NKD1: variants seen among roughly 807,000 people sequenced by gnomAD.
NKD1 encodes NKD inhibitor of Wnt signaling pathway 1.
In NKD1, 21 loss-of-function variants were observed where a neutral mutation model predicts 56.0. That is an observed-to-expected ratio of 0.38 (90% CI 0.27 to 0.54). The LOEUF is 0.54. Ranked by LOEUF, NKD1 falls within the 20% of genes least tolerant of loss-of-function variation. The probability of loss-of-function intolerance (pLI) is 0.82; values close to 1 mark genes in which losing one functional copy is unlikely to be tolerated. For synonymous variants in NKD1, 263 were observed against 265.7 expected (o/e 0.99, Z 0.10); for missense variants, 578 against 642.7 (o/e 0.90, Z 1.09).
chr16:50,559,641 T>G (rs1596705000), intron 3 of NKD1, among the ~76,000 whole-genome samples: 1 of 152,138 alleles, frequency 6.6e-6, no homozygotes, highest in East Asian at 1.9e-4. Context: ...CATGAGGCCT[T>G]GTCTCCTTGC....
chr16:50,578,538 C>CT (rs1347073293), intron 3 of NKD1, among the ~76,000 whole-genome samples: 1 of 152,174 alleles, frequency 6.6e-6, no homozygotes, highest in East Asian at 1.9e-4. Flanking sequence ...GATTCTGCCT[C>CT]TTTTACTGTG....
Position 50,643,879 on chromosome 16 carries a change from T to A in NKD1, c.*10098T>A, listed in dbSNP as rs1962627316. The stretch of plus-strand genomic sequence containing the variant: ...ACACATATTTTCTCTGCAAGGCATA[T>A]CAGAGCCTTCTGTGCTTAAGAGCAC... On this transcript the variant is annotated 3_prime_UTR_variant, in exon 10 of 10. Transcript: ENST00000268459. The A allele has an allele frequency of 6.6e-6, 1 of 152,274 alleles. No individual in the cohort carries two copies. The highest frequency in any genetic ancestry group is 1.5e-5 in the Non-Finnish European group (1 of 68,050). The allele number at this position is 152,274 out of a possible 1,614,324, so 9.4% of individuals were successfully genotyped here.
chr16:50,608,313 TGA>T lies in NKD1; in HGVS notation c.217_218del (p.Asp73HisfsTer19). ...TTGTAGGAGCTCGTGGGCGACGTGT[TGA>T]GAGACACGCTCAGCGAGGAAGAGGA... On this transcript the variant is annotated frameshift_variant, in exon 4 of 10. Coordinates refer to ENST00000268459, the MANE Select transcript of NKD1 (RefSeq NM_033119.5). LOFTEE classifies it high-confidence loss of function. 6.2e-7 allele frequency: 1 copy of T among 1,613,198 alleles called. No homozygotes were observed. The highest frequency in any genetic ancestry group is 8.5e-7 in the Non-Finnish European group (1 of 1,179,416).
intron 3 of NKD1, chr16:50,574,931 C>T (rs555690165): frequency 2.0e-6 from 2 of 984,950 alleles, no homozygotes; most frequent in East Asian, 1.1e-4. Context: ...AAACTTTTTC[C>T]TTTTCCCTTT....
chr16:50,584,006 T>C (rs1961174385), intron 3 of NKD1, among the ~76,000 whole-genome samples: 1 of 152,248 alleles, frequency 6.6e-6, no homozygotes, highest in Non-Finnish European at 1.5e-5. Context: ...GGCAGTGCAG[T>C]TGGCATATCA....
intron 3 of NKD1, among the ~76,000 whole-genome samples, chr16:50,570,319 G>T (rs957591328): frequency 1.3e-5 from 2 of 152,094 alleles, no homozygotes; most frequent in African/African-American, 4.8e-5. Flanking sequence ...TGGTTCTTGG[G>T]GGGCAAAGGA....
chr16:50,564,986 G>A (rs553300401), intron 3 of NKD1, among the ~76,000 whole-genome samples: 2 of 152,252 alleles, frequency 1.3e-5, no homozygotes, highest in African/African-American at 4.8e-5. Context: ...GCTTATCCCT[G>A]CACAGACAGC....
rs1415981194 is a variant in NKD1, at chr16:50,648,833, CTGGAAAGCAGATG to C, written c.*15055_*15067del. 6.6e-6 allele frequency: 1 copy of C among 152,214 alleles called. No individual in the cohort carries two copies. Among genetic ancestry groups the C allele is most frequent in the Non-Finnish European group, 1.5e-5 (1 of 68,062 alleles). 9.4% of individuals were successfully genotyped at this position (152,214 alleles called of 1,614,324 possible). A position where few individuals can be genotyped will look rare whatever the true frequency, so the allele number is the denominator to read the frequency against. On this transcript the variant is annotated 3_prime_UTR_variant, in exon 10 of 10. Coordinates refer to ENST00000268459, the MANE Select transcript of NKD1 (RefSeq NM_033119.5). ...TGTGCCCCTTCTTCCATTTTGCTGC[CTGGAAAGCAGATG>C]TGATGGCTGGAATTCCAGTCACCAT...
intron 3 of NKD1, among the ~76,000 whole-genome samples, chr16:50,568,247 G>A (rs926668076): frequency 2.0e-4 from 31 of 152,190 alleles, no homozygotes; most frequent in African/African-American, 6.8e-4. Flanking sequence ...GCAAGCACAC[G>A]GAAGCCTAAG....
Position 50,598,258 on chromosome 16 carries a change from T to TGCGCGCGC in NKD1, c.193-10035_193-10034insCGCGCGCG, listed in dbSNP as rs1342754863. 4.6e-3 allele frequency among the ~76,000 whole-genome samples: 643 copies of TGCGCGCGC among 139,738 alleles called. 6 individuals are homozygous for TGCGCGCGC. The highest frequency in any genetic ancestry group is 0.018 in the African/African-American group (614 of 33,926). 91.7% of individuals were successfully genotyped at this position (139,738 alleles called of 152,430 possible). The stretch of plus-strand genomic sequence containing the variant: ...GTGTGTGTGTGTGTGTGTGTGTGTG[T>TGCGCGCGC]GTGTGCGCGCACACCTGTGCTCATG... On this transcript the variant is annotated intron_variant, in intron 3 of 9. Transcript: ENST00000268459. This position sits in a 1 kb window ranked among gnomAD's most constrained non-coding sequence, Gnocchi z 4.2.
chr16:50,621,758 C>A, intron 5 of NKD1, 50 bp downstream of exon 5: 1 of 1,394,782 alleles, frequency 7.2e-7, no homozygotes, highest in South Asian at 1.2e-5. Flanking sequence ...TGGGTTTTCT[C>A]AGCTTGGGGC....
chr16:50,589,150 A>G (rs1175923528), intron 3 of NKD1, among the ~76,000 whole-genome samples: 1 of 151,588 alleles, frequency 6.6e-6, no homozygotes, highest in African/African-American at 2.4e-5. Flanking sequence ...TTGCGCGGTG[A>G]CTCTTGGTGA....
chr16:50,627,411 G>A lies in NKD1; in HGVS notation c.462+1831G>A, dbSNP rs543729933. On this transcript the variant is annotated intron_variant, in intron 6 of 9. Coordinates refer to ENST00000268459, the MANE Select transcript of NKD1 (RefSeq NM_033119.5). ...TGATAATGAGAGGAAGGGAGAGAGG[G>A]TTTCCAAGGAAGGTGGCCCAGCCCG... 6.2e-4 allele frequency among the ~76,000 whole-genome samples: 95 copies of A among 152,340 alleles called. 1 individual carries two copies. The highest frequency in any genetic ancestry group is 2.2e-3 in the African/African-American group (92 of 41,576).
chr16:50,583,172 T>C (rs761856098), intron 3 of NKD1, among the ~76,000 whole-genome samples: 8 of 152,094 alleles, frequency 5.3e-5, no homozygotes, highest in Non-Finnish European at 1.2e-4. Context: ...ACTTGGAATC[T>C]AGGTGGCCCC....
At chr16:50,571,402 G>T in intron 3 of NKD1, 1 of 794,378 alleles carries the variant, frequency 1.3e-6, no homozygotes, top group African/African-American at 1.9e-5. Context: ...GGAGGCTTTG[G>T]GGGTTGGTAG....
chr16:50,623,131 G>A lies in NKD1; in HGVS notation c.366+1423G>A, dbSNP rs1051901633. Among the ~76,000 whole-genome samples, 16 of 152,156 alleles carry A rather than the reference G, an allele frequency of 1.1e-4. No individual in the cohort carries two copies. The highest frequency in any genetic ancestry group is 2.1e-4 in the Non-Finnish European group (14 of 67,990). ...AAGGCCTGGAGGCTGAAGTGCCGGC[G>A]TGCTGTGTGGAGAGAGTGAGTGGCG... On this transcript the variant is annotated intron_variant, in intron 5 of 9. Transcript: ENST00000268459. The surrounding 1 kb of genome is among the most constrained non-coding windows in gnomAD (Gnocchi z 4.1).
intron 3 of NKD1, among the ~76,000 whole-genome samples, chr16:50,584,106 G>C (rs1374541261): frequency 2.0e-5 from 3 of 152,182 alleles, no homozygotes; most frequent in African/African-American, 7.2e-5. Context: ...ACCTGGGCTG[G>C]GTTGATCTGG....
rs142103283 is a variant in NKD1, at chr16:50,610,940, C to T, written c.259+2580C>T. 4.5e-4 allele frequency among the ~76,000 whole-genome samples: 69 copies of T among 152,238 alleles called. 1 individual carries two copies. The highest frequency in any genetic ancestry group is 1.6e-3 in the African/African-American group (65 of 41,552). The stretch of plus-strand genomic sequence containing the variant: ...GGCAGGGCTGGTGAGGTGAGGCTTT[C>T]GTGGGGAGAAGGGGAGAGGGACCCC... On this transcript the variant is annotated intron_variant, in intron 4 of 9. Transcript: ENST00000268459.
Position 50,607,966 on chromosome 16 carries a change from C to G in NKD1, c.193-328C>G. The stretch of plus-strand genomic sequence containing the variant: ...TGAGATCCCAGATATCCTTAACTCA[C>G]TGGTGGGGAACAGGCAGGGTGTGTG... On this transcript the variant is annotated intron_variant, in intron 3 of 9. Transcript: ENST00000268459. 11 of 302,922 alleles carry G rather than the reference C, an allele frequency of 3.6e-5. No individual in the cohort carries two copies. The South Asian group carries it at 4.7e-4, about 13-fold the overall frequency. 18.8% of individuals were successfully genotyped at this position (302,922 alleles called of 1,614,324 possible).
Sources: gnomAD v4.1 joint callset for allele counts (sites outside exome capture counted in the v4.1 genomes callset) on GRCh38, gnomAD v4.1.1 for gene constraint, Gnocchi (gnomAD v3.1) non-coding constraint, MANE v1.5 for transcripts, NCBI Gene and HGNC (gene_info 2026-07-23, HGNC 2026-07-21) for gene names.